The following OSBPL8 variants were observed in gnomAD, a reference collection of about 807,000 sequenced individuals.
The protein encoded by OSBPL8 is oxysterol binding protein like 8.
A neutral mutation model predicts 125.5 loss-of-function variants in OSBPL8; 59 were observed. That is an observed-to-expected ratio of 0.47 (90% confidence interval 0.38 to 0.58). The LOEUF (loss-of-function observed/expected upper bound fraction) is 0.58, where lower values mean the gene tolerates loss of function less well. Among genes scored for constraint, OSBPL8 ranks in the 20% least tolerant of loss-of-function variants. OSBPL8 has a pLI of 0.00. For missense variants in OSBPL8, 758 were observed against 1,047.8 expected (o/e 0.72, Z 3.82); for synonymous variants, 330 against 338.9 (o/e 0.97, Z 0.29).
intron 21 of OSBPL8, among the ~76,000 whole-genome samples, chr12:76,362,894 G>T (rs1952263011): frequency 6.6e-6 from 1 of 151,750 alleles, no homozygotes; most frequent in Admixed American, 6.6e-5. Flanking sequence ...ACCAATAATA[G>T]ACAGAGAGCC....
chr12:76,409,225 A>C (rs1954406203), intron 5 of OSBPL8, among the ~76,000 whole-genome samples: 1 of 152,194 alleles, frequency 6.6e-6, no homozygotes, highest in East Asian at 1.9e-4. Context: ...GCTCTGAAGC[A>C]GGCCACAATA....
At chr12:76,488,194 T>A (rs1878359155) in intron 1 of OSBPL8, among the ~76,000 whole-genome samples, 1 of 152,200 alleles carries the variant, frequency 6.6e-6, no homozygotes. Context: ...AGAAGCTTCC[T>A]TAAATTATAT....
chr12:76,452,356 AT>A (rs1403640527), intron 3 of OSBPL8, among the ~76,000 whole-genome samples: 2 of 152,218 alleles, frequency 1.3e-5, no homozygotes, highest in African/African-American at 4.8e-5. Flanking sequence ...AATTAAAAAA[AT>A]GTATAGACTG....
At chr12:76,441,311 G>A (rs1872154959) in intron 4 of OSBPL8, among the ~76,000 whole-genome samples, 1 of 152,012 alleles carries the variant, frequency 6.6e-6, no homozygotes, top group South Asian at 2.1e-4. Flanking sequence ...AGATTTCATT[G>A]TTTCATTCTT....
intron 3 of OSBPL8, among the ~76,000 whole-genome samples, chr12:76,456,272 G>A (rs1874032491): frequency 6.6e-6 from 1 of 152,046 alleles, no homozygotes. Flanking sequence ...TAATTTAAAT[G>A]TCAGTATAGA....
intron 1 of OSBPL8, among the ~76,000 whole-genome samples, chr12:76,544,814 T>C (rs549384552): frequency 4.6e-5 from 7 of 151,880 alleles, no homozygotes; most frequent in African/African-American, 1.7e-4. Flanking sequence ...GCAACATGAC[T>C]GAACATGTTA....
chr12:76,441,984 A>G (rs1872239012), intron 4 of OSBPL8, among the ~76,000 whole-genome samples: 1 of 152,002 alleles, frequency 6.6e-6, no homozygotes, highest in South Asian at 2.1e-4. Context: ...GAGGAAATAC[A>G]TAACATATTT....
intron 16 of OSBPL8, among the ~76,000 whole-genome samples, chr12:76,376,868 T>G (rs895739262): frequency 1.3e-5 from 2 of 152,134 alleles, no homozygotes; most frequent in African/African-American, 2.4e-5. Flanking sequence ...GGTGGTTTGC[T>G]GCACCTATCA....
chr12:76,357,390 GT>G (rs1238616740), intron 22 of OSBPL8, among the ~76,000 whole-genome samples: 1 of 152,154 alleles, frequency 6.6e-6, no homozygotes, highest in Non-Finnish European at 1.5e-5. Context: ...ATATAGTAAA[GT>G]GGATGACAGG....
intron 1 of OSBPL8, among the ~76,000 whole-genome samples, chr12:76,507,295 G>A (rs1302465872): frequency 6.6e-6 from 1 of 151,598 alleles, no homozygotes; most frequent in African/African-American, 2.4e-5. Flanking sequence ...CAGTCACAGG[G>A]AAAAGGAAGG....
intron 21 of OSBPL8, among the ~76,000 whole-genome samples, chr12:76,361,543 C>T (rs893984450): frequency 6.6e-6 from 1 of 152,156 alleles, no homozygotes; most frequent in African/African-American, 2.4e-5. Flanking sequence ...AGCAGCATCC[C>T]ACTCTAATTT....
intron 1 of OSBPL8, among the ~76,000 whole-genome samples, chr12:76,550,669 C>T (rs4625521): frequency 0.043 from 6,614 of 152,240 alleles, 521 homozygotes; most frequent in African/African-American, 0.15. Flanking sequence ...TGTCCTGGGC[C>T]GTGCGCAGCT....
intron 3 of OSBPL8, among the ~76,000 whole-genome samples, chr12:76,452,563 G>A (rs1873544889): frequency 6.6e-6 from 1 of 152,070 alleles, no homozygotes; most frequent in South Asian, 2.1e-4. Flanking sequence ...ACTTTCTCAG[G>A]CCAAAACCTT....
intron 1 of OSBPL8, among the ~76,000 whole-genome samples, chr12:76,501,354 T>C (rs1879883464): frequency 6.7e-6 from 1 of 149,556 alleles, no homozygotes; most frequent in East Asian, 1.9e-4. Flanking sequence ...TTTTATGTTT[T>C]TAAAGGGCTA....
intron 2 of OSBPL8, among the ~76,000 whole-genome samples, chr12:76,464,911 C>G (rs1207308170): frequency 6.6e-6 from 1 of 152,194 alleles, no homozygotes; most frequent in African/African-American, 2.4e-5. Context: ...TACAAAACAT[C>G]TGAAGAGTGC....
chr12:76,473,568 T>C (rs1876437090), intron 2 of OSBPL8, among the ~76,000 whole-genome samples: 1 of 152,202 alleles, frequency 6.6e-6, no homozygotes, highest in South Asian at 2.1e-4. Context: ...AATAGGAATG[T>C]AGCTGTACAT....
intron 19 of OSBPL8, 116 bp from the exon 20 acceptor site, chr12:76,369,938 T>C (rs1487729824): frequency 6.0e-6 from 6 of 1,003,620 alleles, no homozygotes; most frequent in Non-Finnish European, 8.6e-6. Context: ...ATTTCTGGCT[T>C]TGACAACACT....
At chr12:76,461,628 G>A (rs1301632913) in intron 2 of OSBPL8, among the ~76,000 whole-genome samples, 3 of 151,904 alleles carry the variant, frequency 2.0e-5, no homozygotes, top group Non-Finnish European at 4.4e-5. Context: ...TAGTAGAGAC[G>A]GGGTTTCACC....
At chr12:76,498,724 A>AC (rs1879547604) in intron 1 of OSBPL8, among the ~76,000 whole-genome samples, 1 of 80,970 alleles carries the variant, frequency 1.2e-5, no homozygotes, top group African/African-American at 5.1e-5. Context: ...AAGCCTCCCC[A>AC]CTTTTTTTTT....
Sources: gnomAD v4.1 joint callset for allele counts (sites outside exome capture counted in the v4.1 genomes callset) on GRCh38, gnomAD v4.1.1 for gene constraint, MANE v1.5 for transcripts, NCBI Gene and HGNC (gene_info 2026-07-23, HGNC 2026-07-21) for gene names.